Variants in WDR7 observed in about 807,000 individuals in gnomAD.
WDR7 encodes WD repeat-containing protein 7.
Under a neutral mutation model 169.4 loss-of-function variants are expected in WDR7, and 46 were observed. The ratio of observed to expected loss-of-function variants is 0.27; its 90% CI spans 0.21 to 0.35. The LOEUF (loss-of-function observed/expected upper bound fraction) is 0.35, where lower values mean the gene tolerates loss of function less well. Among genes scored for constraint, WDR7 ranks in the 10% least tolerant of loss-of-function variants. The pLI, the probability that WDR7 is intolerant of heterozygous loss-of-function variation, is 1.00. For missense variants in WDR7, 1,534 were observed against 1,859.3 expected (o/e 0.83, Z 3.22); for synonymous variants, 612 against 666.8 (o/e 0.92, Z 1.27).
At chr18:56,808,096 G>A (rs1348442792) in intron 19 of WDR7, among the ~76,000 whole-genome samples, 1 of 152,198 alleles carries the variant, frequency 6.6e-6, no homozygotes, top group African/African-American at 2.4e-5. Flanking sequence ...GGAACCGGCT[G>A]TGGATCGATA....
intron 26 of WDR7, among the ~76,000 whole-genome samples, chr18:57,013,354 T>A (rs1282026279): frequency 1.3e-5 from 2 of 152,232 alleles, no homozygotes; most frequent in Non-Finnish European, 2.9e-5. Flanking sequence ...AGGACCACTG[T>A]TCTGTGGTAT....
chr18:56,693,602 C>T (rs1430762524), intron 9 of WDR7, among the ~76,000 whole-genome samples: 2 of 133,876 alleles, frequency 1.5e-5, no homozygotes, highest in African/African-American at 5.8e-5. Flanking sequence ...GATGGAGTCG[C>T]CCTTTGACTC....
intron 19 of WDR7, among the ~76,000 whole-genome samples, chr18:56,813,635 A>G (rs1409114021): frequency 6.6e-6 from 1 of 151,962 alleles, no homozygotes; most frequent in Non-Finnish European, 1.5e-5. Context: ...TGGTCATGGT[A>G]TATAATTCTT....
intron 12 of WDR7, among the ~76,000 whole-genome samples, 158 bp from the exon 13 acceptor site, chr18:56,717,806 A>G (rs1598986366): frequency 6.6e-6 from 1 of 152,252 alleles, no homozygotes; most frequent in Non-Finnish European, 1.5e-5. Flanking sequence ...GGTTTTATGT[A>G]TAATATAAAG....
intron 20 of WDR7, among the ~76,000 whole-genome samples, chr18:56,843,329 A>G (rs1409433642): frequency 6.6e-6 from 1 of 152,190 alleles, no homozygotes; most frequent in Admixed American, 6.5e-5. Flanking sequence ...AAACTTTTTC[A>G]TCTTCTCAAA....
chr18:56,798,601 A>G (rs966615936), intron 19 of WDR7, among the ~76,000 whole-genome samples: 27 of 152,310 alleles, frequency 1.8e-4, no homozygotes, highest in Middle Eastern at 6.8e-3. Context: ...TTTCTAAGGA[A>G]TAGTCTGTTT....
At chr18:57,026,643 T>C (rs576846985) in intron 27 of WDR7, among the ~76,000 whole-genome samples, 40 of 152,346 alleles carry the variant, frequency 2.6e-4, no homozygotes, top group African/African-American at 8.9e-4. Context: ...GCAGTTAGCA[T>C]TGTGGTAAAG....
At chr18:56,814,882 A>T (rs1172052544) in intron 19 of WDR7, among the ~76,000 whole-genome samples, 1 of 152,050 alleles carries the variant, frequency 6.6e-6, no homozygotes, top group Non-Finnish European at 1.5e-5. Flanking sequence ...CATTATTATT[A>T]TTATTATTTA....
intron 21 of WDR7, among the ~76,000 whole-genome samples, chr18:56,894,062 T>C (rs2046299186): frequency 6.6e-6 from 1 of 152,064 alleles, no homozygotes; most frequent in Non-Finnish European, 1.5e-5. Context: ...TCTTTTTCTC[T>C]GACATAACAC....
chr18:56,950,612 TCCC>T (rs762932294), intron 25 of WDR7, among the ~76,000 whole-genome samples: 39 of 152,312 alleles, frequency 2.6e-4, no homozygotes, highest in Non-Finnish European at 5.1e-4. Flanking sequence ...TTTCTGCATC[TCCC>T]ATATCCCAAA....
intron 26 of WDR7, among the ~76,000 whole-genome samples, chr18:56,986,645 C>T (rs1489792142): frequency 1.3e-5 from 2 of 151,874 alleles, no homozygotes; most frequent in East Asian, 1.9e-4. Flanking sequence ...CAAAGTTGTC[C>T]CTAATTTTAA....
At chr18:56,967,828 A>G (rs2047432322) in intron 26 of WDR7, among the ~76,000 whole-genome samples, 1 of 152,196 alleles carries the variant, frequency 6.6e-6, no homozygotes, top group African/African-American at 2.4e-5. Flanking sequence ...ACCTCCTCTC[A>G]TATACTTTAA....
intron 13 of WDR7, among the ~76,000 whole-genome samples, chr18:56,719,625 G>T (rs1378854516): frequency 1.4e-5 from 2 of 147,960 alleles, no homozygotes; most frequent in Non-Finnish European, 3.0e-5. Flanking sequence ...TCTTTCTTTT[G>T]TGTGTCTTTA....
At chr18:56,996,121 T>C (rs1444265145) in intron 26 of WDR7, among the ~76,000 whole-genome samples, 1 of 152,184 alleles carries the variant, frequency 6.6e-6, no homozygotes, top group East Asian at 1.9e-4. Flanking sequence ...CTGACTGTGA[T>C]CTCTTCTTAC....
Position 57,027,844 on chromosome 18 carries a change from A to C in WDR7, c.*637A>C, listed in dbSNP as rs2048389319. On this transcript the variant is annotated 3_prime_UTR_variant, in exon 28 of 28. Transcript: ENST00000254442. ...CATGATTAATTATGTACACAAAAATATTTTCCTTGTAGAAAATAGTTTTCC... is the reference window on the plus strand; with the variant it reads ...CATGATTAATTATGTACACAAAAATCTTTTCCTTGTAGAAAATAGTTTTCC... 6.6e-6 allele frequency: 1 copy of C among 152,494 alleles called. No individual in the cohort carries two copies. Among genetic ancestry groups the C allele is most frequent in the Non-Finnish European group, 1.5e-5 (1 of 68,130 alleles). The allele number at this position is 152,494 out of a possible 1,614,324, so 9.4% of individuals were successfully genotyped here.
intron 9 of WDR7, among the ~76,000 whole-genome samples, chr18:56,693,538 A>G (rs1363381063): frequency 6.6e-6 from 1 of 150,682 alleles, no homozygotes; most frequent in African/African-American, 2.4e-5. Context: ...TAGTTGCACA[A>G]GCTTGATAGT....
intron 26 of WDR7, among the ~76,000 whole-genome samples, chr18:56,973,659 G>T (rs1260356791): frequency 5.9e-5 from 9 of 152,074 alleles, no homozygotes; most frequent in Non-Finnish European, 1.3e-4. Context: ...ATAGTTATTT[G>T]CCAAATATGA....
intron 26 of WDR7, among the ~76,000 whole-genome samples, chr18:56,972,224 C>T (rs928143145): frequency 6.6e-6 from 1 of 152,126 alleles, no homozygotes; most frequent in African/African-American, 2.4e-5. Flanking sequence ...TCAGCAAACA[C>T]ACCTATATTA....
chr18:56,888,212 G>A (rs977658024), intron 21 of WDR7, among the ~76,000 whole-genome samples: 2 of 152,188 alleles, frequency 1.3e-5, no homozygotes, highest in Non-Finnish European at 2.9e-5. Flanking sequence ...ACTTAGTTTT[G>A]TAACGTATCT....
Sources: gnomAD v4.1 joint callset for allele counts (sites outside exome capture counted in the v4.1 genomes callset) on GRCh38, gnomAD v4.1.1 for gene constraint, MANE v1.5 for transcripts, NCBI Gene and HGNC (gene_info 2026-07-23, HGNC 2026-07-21) for gene names.